Variants in PTK2 observed in about 807,000 individuals in gnomAD.
The protein encoded by PTK2 is protein tyrosine kinase 2.
A neutral mutation model predicts 150.1 loss-of-function variants in PTK2; 45 were observed. That is an observed-to-expected ratio of 0.30 (90% CI 0.24 to 0.38). PTK2 has a LOEUF of 0.38. Ranked by LOEUF, PTK2 falls within the 10% of genes least tolerant of loss-of-function variation. PTK2 has a pLI of 1.00. For synonymous variants in PTK2, 432 were observed against 449.2 expected, an observed-to-expected ratio of 0.96 and a Z score of 0.48; for missense variants, 919 against 1,307.3, an observed-to-expected ratio of 0.70 and a Z score of 4.58.
In PTK2 at chr8:140,818,874, A is replaced by G. The variant is rs764169757; in HGVS notation, c.789+6T>C. On this transcript the variant is annotated splice_donor_region_variant and intron_variant, in intron 9 of 31. Coordinates refer to ENST00000522684, the Ensembl canonical transcript of PTK2. The stretch of plus-strand genomic sequence containing the variant: ...AGCCCACTATTTCCCATATTCCCAT[A>G]CTTACACCAAGAGCACACTTGAAGC... The G allele has an allele frequency of 1.2e-6, 2 of 1,612,604 alleles. No homozygotes were observed. The highest frequency in any genetic ancestry group is 1.7e-6 in the Non-Finnish European group (2 of 1,179,306).
At chr8:140,790,630 C>T (rs2100087871) in intron 13 of PTK2, among the ~76,000 whole-genome samples, 1 of 152,166 alleles carries the variant, frequency 6.6e-6, no homozygotes, top group Admixed American at 6.5e-5. Context: ...ACTTGTACAT[C>T]GTTTCGAAGC....
In PTK2 at chr8:140,790,320, A is replaced by AT. The variant is rs567738235; in HGVS notation, c.1125-795dup. On this transcript the variant is annotated intron_variant, in intron 13 of 31. Coordinates refer to ENST00000522684, the Ensembl canonical transcript of PTK2. ...GGAACAAGAGTGTTTCCAATGTCAG[A>AT]TTTTTTGGATTTTGGAATGTCTGCA... 2.5e-3 allele frequency among the ~76,000 whole-genome samples: 384 copies of AT among 152,294 alleles called. 5 individuals are homozygous for AT. Among genetic ancestry groups the AT allele is most frequent in the Non-Finnish European group, 1.4e-3 (94 of 68,022 alleles).
chr8:140,695,405 T>C (rs1455908000), intron 26 of PTK2, among the ~76,000 whole-genome samples: 10 of 150,918 alleles, frequency 6.6e-5, no homozygotes, highest in Non-Finnish European at 1.5e-4. Context: ...AACGCTAAGG[T>C]GGTCCTATTT....
At chr8:140,830,183 C>G (rs2100114533) in intron 8 of PTK2, among the ~76,000 whole-genome samples, 1 of 152,010 alleles carries the variant, frequency 6.6e-6, no homozygotes, top group African/African-American at 2.4e-5. Flanking sequence ...AATATTTTAG[C>G]CTGTGAAGAC....
intron 12 of PTK2, chr8:140,799,099 C>T (rs970200331): frequency 5.9e-5 from 9 of 152,208 alleles, no homozygotes; most frequent in South Asian, 2.1e-4. Flanking sequence ...GTTTACTTAG[C>T]GAAGGCTCAT....
intron 30 of PTK2, 92 bp from the exon 35 acceptor site, chr8:140,665,089 T>G (rs560618707): frequency 9.4e-6 from 11 of 1,174,418 alleles, no homozygotes; most frequent in Non-Finnish European, 1.2e-5. Flanking sequence ...TTTCCACAAG[T>G]TTCAAGGCAA....
At chr8:140,811,352 C>T (rs978680275) in intron 10 of PTK2, among the ~76,000 whole-genome samples, 4 of 152,142 alleles carry the variant, frequency 2.6e-5, no homozygotes, top group Admixed American at 2.6e-4. Flanking sequence ...GTTGAGTCCA[C>T]CTTACCACAA....
At chr8:140,831,531 T>G (rs1249534096) in intron 7 of PTK2, among the ~76,000 whole-genome samples, 2 of 152,252 alleles carry the variant, frequency 1.3e-5, no homozygotes, top group African/African-American at 4.8e-5. Context: ...TGATACTATA[T>G]TCAAACATTT....
chr8:140,943,658 C>A (rs1002849782), intron 1 of PTK2, among the ~76,000 whole-genome samples: 6 of 152,212 alleles, frequency 3.9e-5, no homozygotes, highest in African/African-American at 1.4e-4. Context: ...AAACTGATTT[C>A]TTTAGCAATC....
chr8:140,895,270 G>A (rs1435568104), intron 2 of PTK2, among the ~76,000 whole-genome samples: 2 of 152,198 alleles, frequency 1.3e-5, no homozygotes, highest in Non-Finnish European at 2.9e-5. Flanking sequence ...AATCACGCCT[G>A]TAATCCCAGC....
chr8:140,845,278 A>ATAGGT (rs1421644066), intron 7 of PTK2, among the ~76,000 whole-genome samples: 1 of 152,150 alleles, frequency 6.6e-6, no homozygotes, highest in Non-Finnish European at 1.5e-5. Context: ...AATGTACTAG[A>ATAGGT]TAGGTAATGA....
At chr8:140,785,240 G>A (rs960122976) in intron 14 of PTK2, among the ~76,000 whole-genome samples, 2 of 152,130 alleles carry the variant, frequency 1.3e-5, no homozygotes, top group African/African-American at 2.4e-5. Flanking sequence ...GTCGGTTCCC[G>A]CTACCCAGAA....
rs114943441 is a variant in PTK2, at chr8:140,852,376, C to T, written c.451-5698G>A. 7.2e-3 allele frequency among the ~76,000 whole-genome samples: 1,100 copies of T among 152,224 alleles called. 10 individuals carry two copies. The highest frequency in any genetic ancestry group is 0.024 in the African/African-American group (1,015 of 41,518). On this transcript the variant is annotated intron_variant, in intron 5 of 31. Coordinates refer to ENST00000522684, the Ensembl canonical transcript of PTK2. ...TTGTGTCCATAGGATAGTTCTGTATCTTGATTATGATGATTACATACATTT... is the reference window on the plus strand; with the variant it reads ...TTGTGTCCATAGGATAGTTCTGTATTTTGATTATGATGATTACATACATTT...
rs370537018 is a variant in PTK2, at chr8:140,820,076, GTTTTTTTTTTTTTTTTTTTT to G, written c.649-1076_649-1057del. 2.0e-3 allele frequency among the ~76,000 whole-genome samples: 101 copies of G among 50,262 alleles called. 1 individual carries two copies. Among genetic ancestry groups the G allele is most frequent in the South Asian group, 6.8e-3 (9 of 1,318 alleles). The allele number at this position is 50,262 out of a possible 152,430, so 33.0% of individuals were successfully genotyped here. ...AGAGGAGTGACTTTATCTGACTTTG[GTTTTTTTTTTTTTTTTTTTT>G]TTTTTTTTTTTTTTTTTTTTTTAAA... On this transcript the variant is annotated intron_variant, in intron 8 of 31. Coordinates refer to ENST00000522684, the Ensembl canonical transcript of PTK2.
intron 22 of PTK2, among the ~76,000 whole-genome samples, chr8:140,728,041 C>CA (rs746964063): frequency 6.6e-6 from 1 of 151,476 alleles, no homozygotes; most frequent in Non-Finnish European, 1.5e-5. Flanking sequence ...ACTAAAAATA[C>CA]AAAAAAAAGT....
intron 4 of PTK2, 130 bp from the exon 5 acceptor site, chr8:140,864,529 CAATT>C (rs768868447): frequency 2.2e-4 from 110 of 493,526 alleles, no homozygotes; most frequent in Non-Finnish European, 3.7e-4. Flanking sequence ...AAGCTATCAT[CAATT>C]AATCTTTAAA....
chr8:140,835,615 G>A (rs921290973), intron 7 of PTK2, among the ~76,000 whole-genome samples: 2 of 152,152 alleles, frequency 1.3e-5, no homozygotes, highest in Admixed American at 6.5e-5. Flanking sequence ...GGATGAAGTT[G>A]TCTTTTGGCC....
At chr8:140,980,915 T>C (rs2154609931) in intron 1 of PTK2, among the ~76,000 whole-genome samples, 1 of 149,294 alleles carries the variant, frequency 6.7e-6, no homozygotes, top group Non-Finnish European at 1.5e-5. Flanking sequence ...CATGGCCAGC[T>C]AATTTTTTTT....
chr8:140,826,292 T>G lies in PTK2; in HGVS notation c.648+4180A>C, dbSNP rs190922683. Among the ~76,000 whole-genome samples the G allele has an allele frequency of 3.6e-3, 549 of 152,320 alleles. 7 individuals are homozygous for G. The highest frequency in any genetic ancestry group is 0.034 in the Middle Eastern group (10 of 294). On this transcript the variant is annotated intron_variant, in intron 8 of 31. Coordinates refer to ENST00000522684, the Ensembl canonical transcript of PTK2. ...GGGACTGTCTAGACACCACCTAATTTGTATTATAGTTGTTACCCCCATGAG... is the reference window on the plus strand; with the variant it reads ...GGGACTGTCTAGACACCACCTAATTGGTATTATAGTTGTTACCCCCATGAG...
Sources: allele counts gnomAD v4.1 joint callset (sites outside exome capture counted in the v4.1 genomes callset), GRCh38; gene constraint gnomAD v4.1.1; transcripts MANE v1.5; gene names NCBI Gene and HGNC (gene_info 2026-07-23, HGNC 2026-07-21).